The following KHDRBS2 variants were observed in gnomAD, a reference collection of about 807,000 sequenced individuals.
The protein encoded by KHDRBS2 is KH domain-containing, RNA-binding, signal transduction-associated protein 2.
Under a neutral mutation model 44.3 loss-of-function variants are expected in KHDRBS2, and 26 were observed. That is an observed-to-expected ratio of 0.59 (90% CI 0.43 to 0.81). The LOEUF is 0.81. KHDRBS2 is among the 40% of genes least tolerant of loss of function. KHDRBS2 has a pLI of 0.00. For missense variants in KHDRBS2, 476 were observed against 433.1 expected (o/e 1.10, Z -0.88); for synonymous variants, 194 against 151.1 (o/e 1.28, Z -2.08).
intron 6 of KHDRBS2, among the ~76,000 whole-genome samples, chr6:61,775,407 A>G: frequency 6.6e-6 from 1 of 152,160 alleles, no homozygotes; most frequent in East Asian, 1.9e-4. Context: ...ATCTCAGCCC[A>G]AAATCTCCTC....
At chr6:62,247,072 TA>T (rs1166864627) in intron 1 of KHDRBS2, among the ~76,000 whole-genome samples, 1 of 151,940 alleles carries the variant, frequency 6.6e-6, no homozygotes, top group Non-Finnish European at 1.5e-5. Context: ...GATTTCCTCT[TA>T]AAGTATAGAG....
rs560784550 is a variant in KHDRBS2 at position 61,832,388 on chromosome 6, CTCTTG to C, written c.810+62242_810+62246del. On this transcript the variant is annotated intron_variant, in intron 6 of 8. Coordinates refer to ENST00000281156, the MANE Select transcript of KHDRBS2 (RefSeq NM_152688.4). The stretch of plus-strand genomic sequence containing the variant: ...ACCCTCTTATCTATAGGTCTCTTCT[CTCTTG>C]TCTTGTGTGTGTCTGAAAAGCTTCA... Among the ~76,000 whole-genome samples the C allele has an allele frequency of 4.6e-5, 7 of 152,232 alleles. No homozygotes were observed. In the South Asian group the frequency reaches 1.4e-3, roughly 32 times the overall value.
At chr6:61,787,296 T>C in intron 6 of KHDRBS2, among the ~76,000 whole-genome samples, 1 of 151,688 alleles carries the variant, frequency 6.6e-6, no homozygotes, top group African/African-American at 2.4e-5. Context: ...AGAAATAAAA[T>C]TAACTGCCAA....
At chr6:61,835,641 T>G (rs1792526814) in intron 6 of KHDRBS2, among the ~76,000 whole-genome samples, 1 of 151,916 alleles carries the variant, frequency 6.6e-6, no homozygotes, top group African/African-American at 2.4e-5. Context: ...CAATATAATA[T>G]TTCATTGACA....
At chr6:61,699,646 T>C (rs17239464) in intron 7 of KHDRBS2, among the ~76,000 whole-genome samples, 27,844 of 151,900 alleles carry the variant, frequency 0.18, 2,678 homozygotes, top group Non-Finnish European at 0.2. Flanking sequence ...GGTCTCATTA[T>C]TTTAAGTACT....
chr6:61,890,325 T>TA (rs762548415), intron 6 of KHDRBS2, among the ~76,000 whole-genome samples: 34 of 152,216 alleles, frequency 2.2e-4, no homozygotes, highest in Non-Finnish European at 4.4e-5. Flanking sequence ...CTAAGGAACA[T>TA]ACTCACCTCT....
At chr6:61,695,858 G>A (rs1346565385) in intron 8 of KHDRBS2, among the ~76,000 whole-genome samples, 6 of 151,972 alleles carry the variant, frequency 3.9e-5, no homozygotes, top group Non-Finnish European at 7.4e-5. Flanking sequence ...GCATCAGGAC[G>A]TGCCCTTCGC....
At chr6:61,637,307 G>T in the KHDRBS2 span, among the ~76,000 whole-genome samples, 4 of 152,014 alleles carry the variant, frequency 2.6e-5, no homozygotes, top group Non-Finnish European at 5.9e-5. Context: ...TCTTGCGATA[G>T]TTTGCTGAGA....
intron 1 of KHDRBS2, among the ~76,000 whole-genome samples, chr6:62,237,956 T>C (rs534205295): frequency 6.6e-5 from 10 of 151,554 alleles, no homozygotes; most frequent in Non-Finnish European, 1.0e-4. Context: ...GGAGAATCAC[T>C]TGAACCTGGG....
At chr6:62,257,993 G>A (rs1026407827) in intron 1 of KHDRBS2, among the ~76,000 whole-genome samples, 7 of 151,958 alleles carry the variant, frequency 4.6e-5, no homozygotes, top group African/African-American at 1.4e-4. Context: ...TCCAAAATCT[G>A]AAATGCTCCA....
At chr6:62,203,877 C>T (rs1450656340) in intron 1 of KHDRBS2, among the ~76,000 whole-genome samples, 3 of 152,108 alleles carry the variant, frequency 2.0e-5, no homozygotes, top group Non-Finnish European at 2.9e-5. Flanking sequence ...TAATGGCAGA[C>T]GTTTGGATTA....
the KHDRBS2 span, among the ~76,000 whole-genome samples, chr6:61,634,570 G>A: frequency 1.3e-5 from 2 of 151,962 alleles, no homozygotes; most frequent in East Asian, 3.9e-4. Context: ...GGTAGAGACT[G>A]ACAAACAGTT....
the KHDRBS2 span, among the ~76,000 whole-genome samples, chr6:61,586,046 A>G: frequency 3.7e-4 from 57 of 152,168 alleles, no homozygotes; most frequent in Non-Finnish European, 4.0e-4. Context: ...AACACTGAAA[A>G]ACAAAGAACC....
intron 4 of KHDRBS2, among the ~76,000 whole-genome samples, chr6:61,913,513 A>G (rs1412717929): frequency 1.3e-5 from 2 of 151,152 alleles, no homozygotes; most frequent in Non-Finnish European, 3.0e-5. Context: ...AAATATATGA[A>G]TATTATATAT....
intron 4 of KHDRBS2, among the ~76,000 whole-genome samples, chr6:61,906,756 C>G (rs1805107602): frequency 6.6e-6 from 1 of 152,118 alleles, no homozygotes. Flanking sequence ...GAATAATATT[C>G]CATCCTGTAT....
At chr6:61,887,543 C>T (rs920706345) in intron 6 of KHDRBS2, among the ~76,000 whole-genome samples, 6 of 152,152 alleles carry the variant, frequency 3.9e-5, no homozygotes, top group Admixed American at 3.9e-4. Context: ...GTTTAAACAG[C>T]ATTCTCAATT....
At chr6:62,086,907 G>C (rs1216503481) in intron 2 of KHDRBS2, among the ~76,000 whole-genome samples, 1 of 149,348 alleles carries the variant, frequency 6.7e-6, no homozygotes, top group Non-Finnish European at 1.5e-5. Flanking sequence ...ATTACCAAGA[G>C]TAAAGTCAAA....
chr6:62,241,580 A>G (rs1476868071), intron 1 of KHDRBS2, among the ~76,000 whole-genome samples: 1 of 152,122 alleles, frequency 6.6e-6, no homozygotes, highest in African/African-American at 2.4e-5. Flanking sequence ...TTGACGGCAT[A>G]GCACACCATC....
intron 6 of KHDRBS2, among the ~76,000 whole-genome samples, chr6:61,792,719 G>C (rs1172247822): frequency 6.6e-6 from 1 of 151,812 alleles, no homozygotes; most frequent in Non-Finnish European, 1.5e-5. Flanking sequence ...AAATCTGTAA[G>C]TTAGCTAGGA....
Sources: gnomAD v4.1 joint callset for allele counts (sites outside exome capture counted in the v4.1 genomes callset) on GRCh38, gnomAD v4.1.1 for gene constraint, MANE v1.5 for transcripts, NCBI Gene and HGNC (gene_info 2026-07-23, HGNC 2026-07-21) for gene names.